NTRK3: variants seen among roughly 807,000 people sequenced by gnomAD.
NTRK3 encodes NT-3 growth factor receptor.
In NTRK3, 24 loss-of-function variants were observed where a neutral mutation model predicts 91.7. The observed-to-expected ratio is 0.26, with a 90% confidence interval of 0.19 to 0.37. NTRK3 has a LOEUF of 0.37. Ranked by LOEUF, NTRK3 falls within the 10% of genes least tolerant of loss-of-function variation. NTRK3 has a pLI of 1.00. For missense variants in NTRK3, 880 were observed against 1,068.9 expected, an observed-to-expected ratio of 0.82 and a Z score of 2.46; for synonymous variants, 483 against 404.0, an observed-to-expected ratio of 1.20 and a Z score of -2.34.
intron 14 of NTRK3, among the ~76,000 whole-genome samples, chr15:87,957,576 A>G (rs1255800017): frequency 1.3e-5 from 2 of 152,154 alleles, no homozygotes; most frequent in Middle Eastern, 3.2e-3. Context: ...GTGCATAGGG[A>G]AAAAAAGGAG....
chr15:88,249,818 C>A (rs373081212), intron 3 of NTRK3, among the ~76,000 whole-genome samples: 1 of 152,276 alleles, frequency 6.6e-6, no homozygotes, highest in East Asian at 1.9e-4. Flanking sequence ...CATAGAATGA[C>A]AAATGACATG....
chr15:88,159,798 G>A (rs925150633), intron 5 of NTRK3, among the ~76,000 whole-genome samples: 11 of 152,006 alleles, frequency 7.2e-5, no homozygotes, highest in Non-Finnish European at 1.0e-4. Context: ...CAATGGGGAC[G>A]TGCCCCTGGC....
intron 17 of NTRK3, among the ~76,000 whole-genome samples, chr15:87,886,703 T>TAC: frequency 7.1e-6 from 1 of 139,960 alleles, no homozygotes; most frequent in Non-Finnish European, 1.5e-5. Context: ...TATATATACA[T>TAC]ATATACACAC....
Position 88,100,603 on chromosome 15 carries a change from A to C in NTRK3, c.1396+25668T>G, listed in dbSNP as rs1425387374. On this transcript the variant is annotated intron_variant, in intron 13 of 18. Coordinates refer to ENST00000394480, the Ensembl canonical transcript of NTRK3. The stretch of plus-strand genomic sequence containing the variant: ...TGTCACAGAAGAAGGGCATAAGAAA[A>C]AGTATACTGCATGGGTACTGACCTT... Among the ~76,000 whole-genome samples, 3 of 152,176 alleles carry C rather than the reference A, an allele frequency of 2.0e-5. No individual in the cohort carries two copies. The South Asian group carries it at 6.2e-4, about 32-fold the overall frequency.
At chr15:88,020,252 G>C (rs542941115) in intron 14 of NTRK3, among the ~76,000 whole-genome samples, 2 of 152,224 alleles carry the variant, frequency 1.3e-5, no homozygotes, top group South Asian at 4.1e-4. Context: ...GAATCTCTCT[G>C]CCACCTTCTA....
exon 17 of NTRK3, chr15:87,929,434 C>T (rs757380491): frequency 6.2e-6 from 10 of 1,613,576 alleles, no homozygotes; most frequent in African/African-American, 2.7e-5. Flanking sequence ...GCCCATGGGC[C>T]CTGCAAGAGC....
intron 13 of NTRK3, among the ~76,000 whole-genome samples, chr15:88,053,297 C>T (rs1212007635): frequency 1.3e-5 from 2 of 152,148 alleles, no homozygotes; most frequent in Non-Finnish European, 2.9e-5. Flanking sequence ...ATTCAAAGGG[C>T]CTGTCCCACA....
intron 16 of NTRK3, chr15:87,931,328 T>A (rs2068780726): frequency 4.5e-6 from 2 of 443,450 alleles, no homozygotes; most frequent in Non-Finnish European, 4.5e-6. Context: ...TCCCGAATAT[T>A]GAGAAAGAGT....
chr15:88,032,810 C>T (rs1047255367), intron 14 of NTRK3, 47 bp downstream of exon 14: 1 of 1,608,474 alleles, frequency 6.2e-7, no homozygotes, highest in Non-Finnish European at 8.5e-7. Context: ...CTATCACCAA[C>T]CACCCTCCCC....
chr15:88,102,447 T>C (rs529501416), intron 13 of NTRK3, among the ~76,000 whole-genome samples: 64 of 152,264 alleles, frequency 4.2e-4, no homozygotes, highest in African/African-American at 1.3e-3. Flanking sequence ...GTAGACACAA[T>C]AGGATGTCTA....
chr15:88,175,932 A>G (rs980397751), intron 5 of NTRK3, among the ~76,000 whole-genome samples: 1 of 152,164 alleles, frequency 6.6e-6, no homozygotes, highest in African/African-American at 2.4e-5. Context: ...GGTTAGAGGC[A>G]ATAGCTTAAG....
At chr15:88,151,562 A>ATC (rs1340990459) in intron 5 of NTRK3, among the ~76,000 whole-genome samples, 1 of 152,196 alleles carries the variant, frequency 6.6e-6, no homozygotes, top group Non-Finnish European at 1.5e-5. Context: ...GGAGGATTTC[A>ATC]TCTTCTACCC....
chr15:88,100,625 C>T (rs1254687699), intron 13 of NTRK3, among the ~76,000 whole-genome samples: 2 of 152,178 alleles, frequency 1.3e-5, no homozygotes, highest in East Asian at 3.9e-4. Flanking sequence ...TGGGTACTGA[C>T]CTTTCAGGCA....
At chr15:88,091,488 T>A (rs565693543) in intron 13 of NTRK3, among the ~76,000 whole-genome samples, 2 of 152,346 alleles carry the variant, frequency 1.3e-5, no homozygotes, top group East Asian at 3.9e-4. Flanking sequence ...ACCAAATGAC[T>A]GTGTTGAGAA....
intron 3 of NTRK3, among the ~76,000 whole-genome samples, chr15:88,197,094 C>CAAAAAAAAAAAAAAAAAAAAA (rs59553739): frequency 1.8e-5 from 1 of 56,510 alleles, no homozygotes; most frequent in Non-Finnish European, 3.6e-5. Context: ...TTGAGCAGGA[C>CAAAAAAAAAAAAAAAAAAAAA]AAAAAAAAAA....
chr15:87,929,278 G>A (rs774016298), exon 17 of NTRK3: 4 of 1,614,142 alleles, frequency 2.5e-6, no homozygotes, highest in Non-Finnish European at 3.4e-6. Context: ...GGCAGTTCCT[G>A]GTGGCCAGGT....
exon 19 of NTRK3, chr15:87,861,187 G>C (rs2064513800): frequency 4.5e-6 from 1 of 221,962 alleles, no homozygotes; most frequent in African/African-American, 2.2e-5. Context: ...CATGGGATCA[G>C]ACAAGATATA....
chr15:87,959,316 G>C (rs774848985), intron 14 of NTRK3, among the ~76,000 whole-genome samples: 62 of 152,224 alleles, frequency 4.1e-4, no homozygotes, highest in Non-Finnish European at 8.1e-4. Flanking sequence ...CTGGTAGACA[G>C]TGGTGCTCAA....
At chr15:87,926,050 A>G (rs2068280842) in intron 17 of NTRK3, among the ~76,000 whole-genome samples, 1 of 152,230 alleles carries the variant, frequency 6.6e-6, no homozygotes. Flanking sequence ...AACAATAGAA[A>G]AATTGAACAG....
Sources: gnomAD v4.1 joint callset for allele counts (sites outside exome capture counted in the v4.1 genomes callset) on GRCh38, gnomAD v4.1.1 for gene constraint, MANE v1.5 for transcripts, NCBI Gene and HGNC (gene_info 2026-07-23, HGNC 2026-07-21) for gene names.